ASXL2: variants seen among roughly 807,000 people sequenced by gnomAD.
The protein encoded by ASXL2 is putative Polycomb group protein ASXL2.
Under a neutral mutation model 122.0 loss-of-function variants are expected in ASXL2, and 23 were observed. The ratio of observed to expected loss-of-function variants is 0.19; its 90% CI spans 0.14 to 0.27. The LOEUF is 0.27. Ranked by LOEUF, ASXL2 falls within the 10% of genes least tolerant of loss-of-function variation. ASXL2 has a pLI of 1.00. For missense variants in ASXL2, 1,518 were observed against 1,713.8 expected, an observed-to-expected ratio of 0.89 and a Z score of 2.02; for synonymous variants, 650 against 637.0, an observed-to-expected ratio of 1.02 and a Z score of -0.31.
chr2:25,785,302 T>C (rs1411324135), intron 5 of ASXL2, among the ~76,000 whole-genome samples: 2 of 152,180 alleles, frequency 1.3e-5, no homozygotes, highest in African/African-American at 4.8e-5. Flanking sequence ...CTCAGCTCAC[T>C]GCAACCTGCG....
chr2:25,768,555 A>G (rs2088392247), intron 7 of ASXL2, among the ~76,000 whole-genome samples, 187 bp downstream of exon 7: 1 of 152,120 alleles, frequency 6.6e-6, no homozygotes, highest in African/African-American at 2.4e-5. Flanking sequence ...TTTTTTAATA[A>G]CTGCATGATT....
chr2:25,793,216 A>G (rs1484665377), intron 5 of ASXL2, among the ~76,000 whole-genome samples: 1 of 152,140 alleles, frequency 6.6e-6, no homozygotes, highest in South Asian at 2.1e-4. Flanking sequence ...TGGGTGACAG[A>G]GCAAGTTTCT....
chr2:25,792,370 T>C (rs2088848424), intron 5 of ASXL2, among the ~76,000 whole-genome samples: 1 of 152,176 alleles, frequency 6.6e-6, no homozygotes, highest in Admixed American at 6.5e-5. Flanking sequence ...AACAACACTT[T>C]TTAGGATTAT....
At chr2:25,823,873 T>C (rs1470620746) in intron 3 of ASXL2, among the ~76,000 whole-genome samples, 2 of 145,682 alleles carry the variant, frequency 1.4e-5, no homozygotes, top group African/African-American at 2.6e-5. Context: ...CTTACTGTAA[T>C]TTTTATGTAT....
intron 6 of ASXL2, among the ~76,000 whole-genome samples, chr2:25,770,687 G>A (rs1415250139): frequency 2.4e-4 from 37 of 151,142 alleles, no homozygotes; most frequent in Admixed American, 2.1e-3. Flanking sequence ...CCCGGGAGGC[G>A]GAGGTTGCAC....
At position 25,744,526 on chromosome 2, in the gene ASXL2, A is replaced by C. The variant is rs1454082317; in HGVS notation, c.1861-50T>G. The C allele has an allele frequency of 2.0e-6, 3 of 1,528,328 alleles. No homozygotes were observed. Among genetic ancestry groups the C allele is most frequent in the South Asian group, 2.5e-5 (2 of 80,212 alleles). The allele number at this position is 1,528,328 out of a possible 1,614,324, so 94.7% of individuals were successfully genotyped here. On this transcript the variant is annotated intron_variant, in intron 12 of 12. Transcript: ENST00000435504. The surrounding 1 kb of genome is among the most constrained non-coding windows in gnomAD (Gnocchi z 4.7). ...ACAACAGAGCTTAGTTTTCATTTGT[A>C]AGAATAACAAAACTTCATTAGCCCT... is the stretch of plus-strand genomic sequence containing the variant.
chr2:25,797,769 A>T (rs1348641407), intron 5 of ASXL2, among the ~76,000 whole-genome samples: 1 of 152,250 alleles, frequency 6.6e-6, no homozygotes, highest in Non-Finnish European at 1.5e-5. Flanking sequence ...AGGAACTCTC[A>T]TCCACTGCTG....
At chr2:25,766,778 A>G (rs943611744) in intron 8 of ASXL2, among the ~76,000 whole-genome samples, 3 of 152,164 alleles carry the variant, frequency 2.0e-5, no homozygotes, top group Non-Finnish European at 4.4e-5. Context: ...ATCTGCCCCC[A>G]GCTATGTTTG....
In ASXL2 at chr2:25,878,150, G is replaced by C. The variant is rs763288397; in HGVS notation, c.57+16C>G. ...CAAAATCCTCCCGGCCTTCCCCTTC[G>C]CTCCCTCCCCCTTACCGTCTTGGCG... On this transcript the variant is annotated intron_variant, in intron 1 of 12. Coordinates refer to ENST00000435504, the MANE Select transcript of ASXL2 (RefSeq NM_018263.6). 5 of 1,613,592 alleles carry C rather than the reference G, an allele frequency of 3.1e-6. No individual in the cohort carries two copies. The South Asian group carries it at 5.5e-5, about 18-fold the overall frequency.
At chr2:25,859,956 T>C (rs911724775) in intron 1 of ASXL2, among the ~76,000 whole-genome samples, 5 of 151,824 alleles carry the variant, frequency 3.3e-5, no homozygotes, top group African/African-American at 2.4e-5. Context: ...GGCCAAGGTG[T>C]GCAGATTGCT....
chr2:25,860,564 T>C (rs952660353), intron 1 of ASXL2, among the ~76,000 whole-genome samples: 1 of 147,412 alleles, frequency 6.8e-6, no homozygotes, highest in Non-Finnish European at 1.5e-5. Context: ...AATACAAAAA[T>C]GCCGGGCGTG....
At chr2:25,775,132 T>C (rs540856298) in intron 5 of ASXL2, among the ~76,000 whole-genome samples, 5 of 139,630 alleles carry the variant, frequency 3.6e-5, no homozygotes, top group African/African-American at 1.3e-4. Context: ...TCTCATCTTT[T>C]TTTTGTTTTT....
chr2:25,811,424 A>G (rs2089169122), intron 3 of ASXL2, among the ~76,000 whole-genome samples: 1 of 152,076 alleles, frequency 6.6e-6, no homozygotes, highest in Admixed American at 6.5e-5. Context: ...ACTACAGAAA[A>G]TATATGAAGC....
At chr2:25,864,973 C>G (rs1421649767) in intron 1 of ASXL2, among the ~76,000 whole-genome samples, 3 of 151,740 alleles carry the variant, frequency 2.0e-5, no homozygotes, top group Non-Finnish European at 2.9e-5. Flanking sequence ...AGGCGCCTGC[C>G]ACCGCACCTA....
At chr2:25,862,244 G>C (rs2089849178) in intron 1 of ASXL2, among the ~76,000 whole-genome samples, 1 of 152,084 alleles carries the variant, frequency 6.6e-6, no homozygotes, top group Non-Finnish European at 1.5e-5. Context: ...ATGTTTGATT[G>C]GATATAATTA....
intron 5 of ASXL2, among the ~76,000 whole-genome samples, chr2:25,786,532 C>T (rs947164826): frequency 3.3e-5 from 5 of 152,032 alleles, no homozygotes; most frequent in African/African-American, 1.2e-4. Flanking sequence ...AGCCACCACG[C>T]CCGGCCCACA....
intron 1 of ASXL2, among the ~76,000 whole-genome samples, chr2:25,867,829 T>C (rs1348000330): frequency 6.6e-6 from 1 of 152,234 alleles, no homozygotes; most frequent in Non-Finnish European, 1.5e-5. Context: ...TCCCTCTGCC[T>C]GGAATGCCCT....
intron 3 of ASXL2, among the ~76,000 whole-genome samples, chr2:25,813,885 C>T (rs937210633): frequency 5.3e-5 from 8 of 152,060 alleles, no homozygotes; most frequent in Non-Finnish European, 1.2e-4. Flanking sequence ...CCTGACTCTA[C>T]TAAAAATACC....
At chr2:25,771,840 A>G (rs949873510) in intron 5 of ASXL2, among the ~76,000 whole-genome samples, 4 of 152,206 alleles carry the variant, frequency 2.6e-5, no homozygotes, top group African/African-American at 9.6e-5. Context: ...AAACTTAGGA[A>G]AGATTCTAGG....
Sources: gnomAD v4.1 joint callset for allele counts (sites outside exome capture counted in the v4.1 genomes callset) on GRCh38, gnomAD v4.1.1 for gene constraint, Gnocchi (gnomAD v3.1) non-coding constraint, MANE v1.5 for transcripts, NCBI Gene and HGNC (gene_info 2026-07-23, HGNC 2026-07-21) for gene names.